ATP2B3: variants seen among roughly 807,000 people sequenced by gnomAD.
The protein encoded by ATP2B3 is ATPase plasma membrane Ca2+ transporting 3.
A neutral mutation model predicts 70.8 loss-of-function variants in ATP2B3; 12 were observed. That is an observed-to-expected ratio of 0.17 (90% confidence interval 0.11 to 0.27). ATP2B3 has a LOEUF of 0.27. Among genes scored for constraint, ATP2B3 ranks in the 10% least tolerant of loss-of-function variants. The probability of loss-of-function intolerance (pLI) is 1.00; values close to 1 mark genes in which losing one functional copy is unlikely to be tolerated. For synonymous variants in ATP2B3, 460 were observed against 497.8 expected (o/e 0.92, Z 1.01); for missense variants, 858 against 1,118.5 (o/e 0.77, Z 3.32).
chrX:153,542,539 C>T (rs1292063784), intron 6 of ATP2B3, 91 bp downstream of exon 6: 2 of 1,074,407 alleles, frequency 1.9e-6, no homozygotes, highest in Non-Finnish European at 2.5e-6. Flanking sequence ...CTGGGCTCAG[C>T]CTCCACCTCC....
intron 3 of ATP2B3, among the ~76,000 whole-genome samples, chrX:153,538,440 A>G (rs1239900467): frequency 8.9e-6 from 1 of 112,857 alleles, no homozygotes; most frequent in Non-Finnish European, 1.9e-5. Context: ...GAGCACTCCA[A>G]GAGGATTCCA....
At chrX:153,560,593 GAGCTACACACCGAA>G (rs1470049538) in intron 18 of ATP2B3, 69 bp from the exon 19 acceptor site, 1 of 1,045,217 alleles carries the variant, frequency 9.6e-7, no homozygotes, top group African/African-American at 1.9e-5. Context: ...CCCATCTCGG[GAGCTACACACCGAA>G]GTCTCGCTCC....
At chrX:153,566,235 G>A (rs1473076756) in intron 21 of ATP2B3, among the ~76,000 whole-genome samples, 1 of 112,464 alleles carries the variant, frequency 8.9e-6, no homozygotes, top group Non-Finnish European at 1.9e-5. Flanking sequence ...TCCAGGCCCT[G>A]TCCAGGATCC....
chrX:153,552,771 A>G (rs2090476673), intron 12 of ATP2B3, among the ~76,000 whole-genome samples: 1 of 112,293 alleles, frequency 8.9e-6, no homozygotes, highest in Non-Finnish European at 1.9e-5. Context: ...GCGCCTCCAA[A>G]GCATCTCAGA....
At chrX:153,526,168 G>T in intron 2 of ATP2B3, among the ~76,000 whole-genome samples, 1 of 112,707 alleles carries the variant, frequency 8.9e-6, no homozygotes, top group Non-Finnish European at 1.9e-5. Flanking sequence ...ACCCCTTCAG[G>T]TCCTGTCCCC....
rs2090410615 is a variant in ATP2B3 at position 153,548,795 on chromosome X, G to A, written c.1279G>A (p.Val427Met). 6 of 1,210,007 alleles carry A rather than the reference G, an allele frequency of 5.0e-6. No homozygotes were observed. The highest frequency in any genetic ancestry group is 1.8e-5 in the South Asian group (1 of 56,787). Residue 427 changes from valine to methionine, a missense_variant, in exon 10 of 22, where the codon GTG becomes ATG. Around this residue, in one of 5 missense-constraint regions of ATP2B3, gnomAD observed 23 missense variants for 59.0 expected, o/e 0.39. Coordinates refer to ENST00000263519, the MANE Select transcript of ATP2B3 (RefSeq NM_001001344.3). ...FFIIGVTVLV[V>M]AVPEGLPLAV... ...CATCATTGGTGTCACTGTGCTGGTC[G>A]TGGCTGTCCCAGAGGGCCTGCCTCT...
At chrX:153,533,111 C>T (rs1200596057) in intron 2 of ATP2B3, 2 of 111,526 alleles carry the variant, frequency 1.8e-5, no homozygotes, top group Non-Finnish European at 3.8e-5. Context: ...GCCAGGCCCC[C>T]ATTCACTCAT....
At chrX:153,518,327 C>T (rs1257035038) in intron 1 of ATP2B3, among the ~76,000 whole-genome samples, 105 bp from the exon 2 acceptor site, 1 of 112,040 alleles carries the variant, frequency 8.9e-6, no homozygotes, top group African/African-American at 3.2e-5. Flanking sequence ...CCGCACCGTT[C>T]CCCGCACGCC....
chrX:153,539,861 G>A (rs1557005613), intron 3 of ATP2B3, among the ~76,000 whole-genome samples: 3 of 113,071 alleles, frequency 2.7e-5, no homozygotes, highest in Admixed American at 1.9e-4. Flanking sequence ...AGTCACGCAC[G>A]TAAGCTTCCA....
intron 2 of ATP2B3, among the ~76,000 whole-genome samples, 174 bp downstream of exon 2, chrX:153,518,725 G>C (rs782371502): frequency 1.1e-4 from 12 of 111,382 alleles, no homozygotes; most frequent in African/African-American, 3.3e-4. Flanking sequence ...GTCTTGGAGA[G>C]CCCGCGGTGA....
In ATP2B3 at chrX:153,558,102, A is replaced by T; in HGVS notation, c.2434-10A>T. The T allele has an allele frequency of 8.3e-7, 1 of 1,200,235 alleles. No individual in the cohort carries two copies. The highest frequency in any genetic ancestry group is 1.1e-6 in the Non-Finnish European group (1 of 889,605). On this transcript the variant is annotated splice_polypyrimidine_tract_variant and intron_variant, in intron 16 of 21. Transcript: ENST00000263519. Reference sequence around the variant, plus strand: ...AACACTCTGTGTGAGTGTGTGTGTCACCCCCCCAGGGCATCGCAGGGACCG... The same window carrying T: ...AACACTCTGTGTGAGTGTGTGTGTCTCCCCCCCAGGGCATCGCAGGGACCG...
chrX:153,563,884 C>T (rs1484840776), intron 20 of ATP2B3, among the ~76,000 whole-genome samples: 1 of 112,767 alleles, frequency 8.9e-6, no homozygotes, highest in Non-Finnish European at 1.9e-5. Flanking sequence ...GTCCTCAAGT[C>T]CCCTCCTGGC....
intron 17 of ATP2B3, 76 bp from the exon 18 acceptor site, chrX:153,559,653 C>T: frequency 1.1e-6 from 1 of 924,472 alleles, no homozygotes; most frequent in Non-Finnish European, 1.5e-6. Context: ...GAGGAGCCCC[C>T]AGGAGCTACT....
chrX:153,522,229 ACTGCC>A (rs1556998043), intron 2 of ATP2B3, among the ~76,000 whole-genome samples: 3 of 112,873 alleles, frequency 2.7e-5, no homozygotes, highest in Non-Finnish European at 5.6e-5. Context: ...CATGAGGGAC[ACTGCC>A]CTGGTTCACT....
intron 3 of ATP2B3, among the ~76,000 whole-genome samples, chrX:153,540,270 C>T (rs1224243944): frequency 8.9e-6 from 1 of 112,023 alleles, no homozygotes; most frequent in Non-Finnish European, 1.9e-5. Context: ...AGTGTCTCCC[C>T]GACCCCTGCG....
At chrX:153,537,065 C>A (rs1397103601) in intron 3 of ATP2B3, among the ~76,000 whole-genome samples, 1 of 112,795 alleles carries the variant, frequency 8.9e-6, no homozygotes, top group South Asian at 3.6e-4. Flanking sequence ...AGGGTAGTGT[C>A]GGTCTCACTG....
chrX:153,532,231 G>A (rs997271630), intron 2 of ATP2B3, among the ~76,000 whole-genome samples: 37 of 112,782 alleles, frequency 3.3e-4, no homozygotes, highest in African/African-American at 9.3e-4. Context: ...GTGTGCCATG[G>A]GGTCCTGAGA....
chrX:153,574,126 G>C (rs1329007826), intron 21 of ATP2B3, among the ~76,000 whole-genome samples: 1 of 113,045 alleles, frequency 8.8e-6, no homozygotes, highest in Non-Finnish European at 1.9e-5. Flanking sequence ...CTTCTCCTCA[G>C]TGTTCAGGCT....
rs782179068 is a variant in ATP2B3, at chrX:153,553,058, A to G, written c.1847A>G (p.Asn616Ser). 4.1e-6 allele frequency: 5 copies of G among 1,207,548 alleles called. No homozygotes were observed. The Admixed American group carries it at 8.7e-5, about 21-fold the overall frequency. The part of the protein sequence containing the change: ...LKKCTNILNS[N>S]GELRGFRPRD... The stretch of plus-strand genomic sequence containing the variant: ...AGGTGCACCAACATCTTGAACAGCA[A>G]TGGCGAACTCCGGGGCTTTCGGCCT... Residue 616 changes from asparagine (N) to serine (S), a missense_variant, in exon 13 of 22, where the codon AAT becomes AGT. Coordinates refer to ENST00000263519, the MANE Select transcript of ATP2B3 (RefSeq NM_001001344.3).
Sources: allele counts gnomAD v4.1 joint callset (sites outside exome capture counted in the v4.1 genomes callset), GRCh38; gene constraint gnomAD v4.1.1; regional missense constraint gnomAD v4.1.1; transcripts MANE v1.5; gene names NCBI Gene and HGNC (gene_info 2026-07-23, HGNC 2026-07-21).